HERC2: variants seen among roughly 807,000 people sequenced by gnomAD.
HERC2 encodes HECT and RLD domain containing E3 ubiquitin protein ligase 2.
A neutral mutation model predicts 537.7 loss-of-function variants in HERC2; 102 were observed. The ratio of observed to expected loss-of-function variants is 0.19; its 90% CI spans 0.16 to 0.22. HERC2 has a LOEUF of 0.22. Ranked by LOEUF, HERC2 falls within the 10% of genes least tolerant of loss-of-function variation. The pLI, the probability that HERC2 is intolerant of heterozygous loss-of-function variation, is 1.00. For missense variants in HERC2, 4,236 were observed against 6,198.2 expected (o/e 0.68, Z 10.63); for synonymous variants, 2,224 against 2,466.2 (o/e 0.90, Z 2.91).
In HERC2 at chr15:28,269,311, C is replaced by T. The variant is rs201841081; in HGVS notation, c.1383G>A (p.Lys461=). 1.9e-6 allele frequency: 3 copies of T among 1,614,194 alleles called. No homozygotes were observed. The highest frequency in any genetic ancestry group is 2.5e-6 in the Non-Finnish European group (3 of 1,180,024). ...LGVTQIACAE[K]RFLILSRNGR... The stretch of plus-strand genomic sequence containing the variant: ...CATTGCGTGACAGAATCAGGAAACG[C>T]TTCTCTGCACAGGCAATCTGTGTGA... Residue 461 remains lysine, a synonymous_variant, in exon 11 of 93, where the codon AAG becomes AAA. Transcript: ENST00000261609.
intron 36 of HERC2, among the ~76,000 whole-genome samples, chr15:28,221,731 A>T (rs934969292): frequency 2.6e-4 from 38 of 148,206 alleles, no homozygotes; most frequent in African/African-American, 8.7e-4. Flanking sequence ...TCAGAATGAG[A>T]TTTACTCTCT....
chr15:28,180,103 G>A (rs1895685566), intron 57 of HERC2, among the ~76,000 whole-genome samples: 1 of 152,142 alleles, frequency 6.6e-6, no homozygotes, highest in Non-Finnish European at 1.5e-5. Flanking sequence ...TTCCAGTCCT[G>A]CAAACTCCAT....
At chr15:28,309,565 A>C (rs1373585472) in intron 2 of HERC2, among the ~76,000 whole-genome samples, 3 of 152,284 alleles carry the variant, frequency 2.0e-5, no homozygotes, top group South Asian at 4.2e-4. Context: ...TTGAAGAAGC[A>C]AGCAGCCAAT....
intron 56 of HERC2, among the ~76,000 whole-genome samples, chr15:28,184,458 C>A (rs1163946982): frequency 6.6e-6 from 1 of 152,166 alleles, no homozygotes; most frequent in East Asian, 1.9e-4. Flanking sequence ...AAACCCATTA[C>A]AATCAAGTAT....
chr15:28,132,733 C>G lies in HERC2; in HGVS notation c.12328G>C (p.Gly4110Arg). The change falls in exon 80 of 93, where the codon GGG becomes CGG. Residue 4110 changes from glycine (G) to arginine (R), a missense_variant. Transcript: ENST00000261609. ...CCTTTGCCCCATGTGTAGAGGTCCCCGGCTGCTGTGACACAGGCGCTGTGG... is the reference window on the plus strand; with the variant it reads ...CCTTTGCCCCATGTGTAGAGGTCCCGGGCTGCTGTGACACAGGCGCTGTGG... Reference protein sequence around the residue: ...GAHSACVTAAGDLYTWGKGRY... With the variant: ...GAHSACVTAARDLYTWGKGRY... 1.2e-6 allele frequency: 2 copies of G among 1,608,366 alleles called. No homozygotes were observed. The highest frequency in any genetic ancestry group is 2.3e-5 in the East Asian group (1 of 44,284).
In HERC2 at chr15:28,310,344, C is replaced by T. The variant is rs2141269277; in HGVS notation, c.73-10828G>A. ...CCTGTACTCCCAGCTACTTGGGAGG[C>T]TGAGGTGGGAGAACTGCTTGAGACC... On this transcript the variant is annotated intron_variant, in intron 2 of 92. Coordinates refer to ENST00000261609, the MANE Select transcript of HERC2 (RefSeq NM_004667.6). Among the ~76,000 whole-genome samples the T allele has an allele frequency of 2.0e-5, 3 of 152,058 alleles. No homozygotes were observed. In the South Asian group the frequency reaches 6.2e-4, roughly 32 times the overall value.
intron 57 of HERC2, among the ~76,000 whole-genome samples, chr15:28,180,763 TAC>T (rs1895747509): frequency 6.6e-6 from 1 of 152,228 alleles, no homozygotes; most frequent in Non-Finnish European, 1.5e-5. Flanking sequence ...ACTAAATATG[TAC>T]AGATATTTTT....
intron 55 of HERC2, among the ~76,000 whole-genome samples, chr15:28,189,269 T>C (rs1291766396): frequency 2.0e-5 from 3 of 152,336 alleles, no homozygotes; most frequent in Non-Finnish European, 2.9e-5. Flanking sequence ...TGACATACAC[T>C]AAGTATCACA....
intron 23 of HERC2, 76 bp downstream of exon 23, chr15:28,245,805 T>G: frequency 7.8e-7 from 1 of 1,280,150 alleles, no homozygotes; most frequent in South Asian, 1.3e-5. Context: ...AAGTATTCTT[T>G]CAAATTGAAA....
chr15:28,257,565 G>C (rs566358210), intron 16 of HERC2, among the ~76,000 whole-genome samples: 5 of 152,146 alleles, frequency 3.3e-5, no homozygotes, highest in Non-Finnish European at 5.9e-5. Context: ...CCATCCACTT[G>C]AAGTGGTATA....
At chr15:28,169,363 C>A in intron 66 of HERC2, 121 bp downstream of exon 66, 1 of 666,646 alleles carries the variant, frequency 1.5e-6, no homozygotes, top group Non-Finnish European at 2.5e-6. Context: ...TTACAACATA[C>A]AGCATTTAAA....
rs943049036 is a variant in HERC2 at position 28,113,834 on chromosome 15, G to A, written c.13914-156C>T. ...ATGGCATGAGCATGCTTAGCAGCTC[G>A]GCACTGCAGAGCTTCTCCTGACACT... is the stretch of plus-strand genomic sequence containing the variant. On this transcript the variant is annotated intron_variant, in intron 90 of 92. Coordinates refer to ENST00000261609, the MANE Select transcript of HERC2 (RefSeq NM_004667.6). This position sits in a 1 kb window ranked among gnomAD's most constrained non-coding sequence, Gnocchi z 7.0. 7 of 653,048 alleles carry A rather than the reference G, an allele frequency of 1.1e-5. No individual in the cohort carries two copies. In the East Asian group the frequency reaches 1.1e-4, roughly 10 times the overall value. The allele number at this position is 653,048 out of a possible 1,614,324, so 40.5% of individuals were successfully genotyped here. A position where few individuals can be genotyped will look rare whatever the true frequency, so the allele number is the denominator to read the frequency against.
Position 28,214,239 on chromosome 15 carries a change from T to C in HERC2, c.6392A>G (p.Gln2131Arg), listed in dbSNP as rs1230915584. 2 of 1,611,878 alleles carry C rather than the reference T, an allele frequency of 1.2e-6. No homozygotes were observed. Among genetic ancestry groups the C allele is most frequent in the Admixed American group, 1.7e-5 (1 of 60,004 alleles). ...STLRRRRVRP[Q>R]ASLTATHSST... ...GCTGTGGGTGGCAGTCAGCGAGGCC[T>C]GCGGGCGCACCCTGCGCCGCCTCAG... The change falls in exon 41 of 93, where the codon CAG becomes CGG. Residue 2131 changes from glutamine to arginine, a missense_variant. Gln to Arg is a conservative substitution (Grantham distance 43, BLOSUM62 1). Around this residue, in one of 27 missense-constraint regions of HERC2, gnomAD observed 365 missense variants for 468.8 expected, o/e 0.78. Coordinates refer to ENST00000261609, the MANE Select transcript of HERC2 (RefSeq NM_004667.6).
intron 3 of HERC2, among the ~76,000 whole-genome samples, chr15:28,297,724 G>A (rs2076507817): frequency 6.6e-6 from 1 of 152,130 alleles, no homozygotes; most frequent in African/African-American, 2.4e-5. Flanking sequence ...CAGGACACCA[G>A]AGAACTTTCT....
In HERC2 at chr15:28,176,647, C is replaced by T. The variant is rs1485013841; in HGVS notation, c.9514+40G>A. 2 of 1,613,894 alleles carry T rather than the reference C, an allele frequency of 1.2e-6. No homozygotes were observed. The highest frequency in any genetic ancestry group is 2.2e-5 in the East Asian group (1 of 44,870). On this transcript the variant is annotated intron_variant, in intron 62 of 92. Transcript: ENST00000261609. This position sits in a 1 kb window ranked among gnomAD's most constrained non-coding sequence, Gnocchi z 5.0. ...CTTCAGGCCAGCGTTTCATATCATT[C>T]CTACCCACCCAGAAGCACAGAATCC...
rs772696286 is a variant in HERC2 at position 28,177,052 on chromosome 15, G to A, written c.9330C>T (p.His3110=). 2.5e-6 allele frequency: 4 copies of A among 1,614,128 alleles called. 1 individual carries two copies. The highest frequency in any genetic ancestry group is 2.2e-5 in the South Asian group (2 of 91,084). ...CTCCGCTGGATGTGAGGGCTGCGCT[G>A]TGCGAGCTCCCACAGGCGATATCCC... is the stretch of plus-strand genomic sequence containing the variant. ...RIRDIACGSS[H]SAALTSSGEL... The change falls in exon 61 of 93, where the codon CAC becomes CAT. Residue 3110 remains histidine, a synonymous_variant. Coordinates refer to ENST00000261609, the MANE Select transcript of HERC2 (RefSeq NM_004667.6). This position sits in a 1 kb window ranked among gnomAD's most constrained non-coding sequence, Gnocchi z 5.0.
chr15:28,176,480 A>T lies in HERC2; in HGVS notation c.9634T>A (p.Cys3212Ser). Residue 3212 changes from cysteine (C) to serine (S), a missense_variant, in exon 63 of 93, where the codon TGT becomes AGT. Cys to Ser is a moderately radical substitution (Grantham distance 112, BLOSUM62 -1). Around this residue, in one of 27 missense-constraint regions of HERC2, gnomAD observed 93 missense variants for 265.1 expected, o/e 0.35. Coordinates refer to ENST00000261609, the MANE Select transcript of HERC2 (RefSeq NM_004667.6). The surrounding 1 kb of genome is among the most constrained non-coding windows in gnomAD (Gnocchi z 5.0). ...LNGQGVCQIE[C>S]GAQFSLALTK... The stretch of plus-strand genomic sequence containing the variant: ...AGCGCCAGGGAGAACTGAGCTCCAC[A>T]CTCAATCTGGCACACCCCCTGTCCA... 4 of 1,614,090 alleles carry T rather than the reference A, an allele frequency of 2.5e-6. No homozygotes were observed. Among genetic ancestry groups the T allele is most frequent in the Non-Finnish European group, 3.4e-6 (4 of 1,180,028 alleles).
At chr15:28,137,349 T>C (rs1412556879) in intron 78 of HERC2, among the ~76,000 whole-genome samples, 1 of 152,212 alleles carries the variant, frequency 6.6e-6, no homozygotes, top group African/African-American at 2.4e-5. Flanking sequence ...CACACCCCAT[T>C]TGACTGTGCC....
At chr15:28,242,812 T>A (rs1443704036) in intron 23 of HERC2, among the ~76,000 whole-genome samples, 1 of 152,124 alleles carries the variant, frequency 6.6e-6, no homozygotes, top group Non-Finnish European at 1.5e-5. Flanking sequence ...AATTATATGA[T>A]CAAGTAATGC....
Sources: allele counts gnomAD v4.1 joint callset (sites outside exome capture counted in the v4.1 genomes callset), GRCh38; gene constraint gnomAD v4.1.1; regional missense constraint gnomAD v4.1.1; non-coding constraint Gnocchi (gnomAD v3.1); transcripts MANE v1.5; gene names NCBI Gene and HGNC (gene_info 2026-07-23, HGNC 2026-07-21).